The following PRKCH variants were observed in gnomAD, a reference collection of about 807,000 sequenced individuals.
PRKCH encodes protein kinase C eta.
PRKCH carries 28 observed loss-of-function variants against 82.5 expected under a neutral mutation model. The ratio of observed to expected loss-of-function variants is 0.34; its 90% CI spans 0.25 to 0.47. The LOEUF (loss-of-function observed/expected upper bound fraction) is 0.47. Ranked by LOEUF, PRKCH falls within the 20% of genes least tolerant of loss-of-function variation. PRKCH has a pLI of 1.00. For synonymous variants in PRKCH, 322 were observed against 327.4 expected, an observed-to-expected ratio of 0.98 and a Z score of 0.18; for missense variants, 705 against 881.8, an observed-to-expected ratio of 0.80 and a Z score of 2.54.
intron 1 of PRKCH, among the ~76,000 whole-genome samples, chr14:61,302,370 C>T (rs1161531533): frequency 6.6e-6 from 1 of 152,148 alleles, no homozygotes; most frequent in Non-Finnish European, 1.5e-5. Context: ...CATATAAGCC[C>T]TGGGTCCGGG....
At chr14:61,530,881 G>A (rs2043036985) in intron 12 of PRKCH, among the ~76,000 whole-genome samples, 1 of 152,186 alleles carries the variant, frequency 6.6e-6, no homozygotes, top group South Asian at 2.1e-4. Context: ...AACTTTAGTT[G>A]AGGGCAGGTG....
chr14:61,310,054 A>T (rs1331188411), intron 1 of PRKCH, among the ~76,000 whole-genome samples: 1 of 152,068 alleles, frequency 6.6e-6, no homozygotes, highest in Non-Finnish European at 1.5e-5. Flanking sequence ...TGATCCAATC[A>T]CTTCTCTCCC....
At chr14:61,529,363 T>C (rs971221379) in intron 11 of PRKCH, 150 bp downstream of exon 11, 20 of 830,022 alleles carry the variant, frequency 2.4e-5, no homozygotes, top group Non-Finnish European at 3.3e-5. Flanking sequence ...TTATGGCTCA[T>C]TGGGTGAATG....
At chr14:61,190,473 T>C (rs2044399732) in intron 1 of PRKCH, among the ~76,000 whole-genome samples, 1 of 152,202 alleles carries the variant, frequency 6.6e-6, no homozygotes, top group Admixed American at 6.5e-5. Context: ...GTATGGTCTT[T>C]TAAAAGCAAA....
At chr14:61,327,313 T>A (rs1027592063) in intron 1 of PRKCH, 8 of 335,796 alleles carry the variant, frequency 2.4e-5, no homozygotes, top group Non-Finnish European at 1.2e-5. Context: ...CCAGATTTTC[T>A]ATCTAGTGGT....
At chr14:61,508,301 GA>G (rs1323260990) in intron 10 of PRKCH, among the ~76,000 whole-genome samples, 1 of 152,040 alleles carries the variant, frequency 6.6e-6, no homozygotes, top group East Asian at 1.9e-4. Context: ...TAGTTTTAAG[GA>G]ACATTCCTGT....
intron 1 of PRKCH, among the ~76,000 whole-genome samples, chr14:61,257,199 G>T (rs1387853729): frequency 6.6e-6 from 1 of 152,192 alleles, no homozygotes; most frequent in Non-Finnish European, 1.5e-5. Context: ...TTTCTCCAGT[G>T]AGAGTTAATA....
At chr14:61,368,596 A>G (rs1566841879) in intron 1 of PRKCH, among the ~76,000 whole-genome samples, 1 of 152,140 alleles carries the variant, frequency 6.6e-6, no homozygotes, top group African/African-American at 2.4e-5. Flanking sequence ...ATCCTCCTGT[A>G]GATATTTCCC....
intron 9 of PRKCH, among the ~76,000 whole-genome samples, chr14:61,458,334 CTTG>C (rs1267304333): frequency 6.6e-6 from 1 of 152,334 alleles, no homozygotes; most frequent in East Asian, 1.9e-4. Flanking sequence ...AAACTTTTTA[CTTG>C]TTGTTTCACA....
chr14:61,341,953 G>A (rs112512350), intron 1 of PRKCH, among the ~76,000 whole-genome samples: 1,781 of 152,222 alleles, frequency 0.012, 47 homozygotes, highest in African/African-American at 0.041. Flanking sequence ...TAGGTGCTGA[G>A]TAAATGTTGG....
Position 61,484,886 on chromosome 14 carries a change from A to AT in PRKCH, c.1279-606dup, listed in dbSNP as rs918125579. Among the ~76,000 whole-genome samples, 88 of 146,728 alleles carry AT rather than the reference A, an allele frequency of 6.0e-4. 1 individual carries two copies. Among genetic ancestry groups the AT allele is most frequent in the Middle Eastern group, 3.5e-3 (1 of 286 alleles). ...CGGGCTCAGGTGATCCTCCTGCCTA[A>AT]TTTTTTTTTTATTTTTTTGTATAGA... On this transcript the variant is annotated intron_variant, in intron 9 of 13. Transcript: ENST00000332981.
intron 1 of PRKCH, among the ~76,000 whole-genome samples, chr14:61,282,913 T>C (rs920980939): frequency 1.2e-4 from 18 of 152,170 alleles, no homozygotes; most frequent in African/African-American, 3.9e-4. Flanking sequence ...TCACCCTTTT[T>C]TTCAATAAAA....
chr14:61,352,466 C>A (rs978362991), intron 1 of PRKCH, among the ~76,000 whole-genome samples: 1 of 151,940 alleles, frequency 6.6e-6, no homozygotes, highest in Non-Finnish European at 1.5e-5. Context: ...GGTTCAAGAC[C>A]AGCCTGACCA....
chr14:61,425,277 C>T (rs930428178), intron 2 of PRKCH, among the ~76,000 whole-genome samples: 4 of 152,180 alleles, frequency 2.6e-5, no homozygotes, highest in African/African-American at 9.7e-5. Context: ...CCTGAAAAAG[C>T]CACAAGCACT....
intron 12 of PRKCH, among the ~76,000 whole-genome samples, chr14:61,547,242 G>A (rs928495976): frequency 6.6e-6 from 1 of 152,054 alleles, no homozygotes; most frequent in African/African-American, 2.4e-5. Flanking sequence ...TGTCACCTTT[G>A]CTGCTTCTTC....
At chr14:61,207,193 C>T (rs1490632946) in intron 1 of PRKCH, among the ~76,000 whole-genome samples, 4 of 147,088 alleles carry the variant, frequency 2.7e-5, no homozygotes, top group Non-Finnish European at 6.0e-5. Context: ...GGTAGCACTA[C>T]CTGCCCACAA....
intron 2 of PRKCH, among the ~76,000 whole-genome samples, chr14:61,396,796 G>A (rs768260140): frequency 5.3e-5 from 8 of 152,164 alleles, no homozygotes; most frequent in Non-Finnish European, 1.2e-4. Flanking sequence ...TGGGGAGTGG[G>A]ATGGGGGGAT....
chr14:61,349,318 C>G (rs2046039934), intron 1 of PRKCH, among the ~76,000 whole-genome samples: 1 of 152,184 alleles, frequency 6.6e-6, no homozygotes, highest in Non-Finnish European at 1.5e-5. Flanking sequence ...TGTACCAATC[C>G]TTAACATTTG....
rs150503275 is a variant in PRKCH at position 61,457,632 on chromosome 14, C to T, written c.1231C>T (p.Arg411Cys). Residue 411 changes from arginine (R) to cysteine (C), a missense_variant, in exon 9 of 14, where the codon CGC (arginine) becomes TGC (cysteine). Arg to Cys is a radical substitution (Grantham distance 180). Around this residue, in one of 5 missense-constraint regions of PRKCH, gnomAD observed 238 missense variants for 258.1 expected, o/e 0.92. Transcript: ENST00000332981. The part of the protein sequence containing the change: ...MTEKRILSLA[R>C]NHPFLTQLFC... ...CGAGAAAAGGATCCTGTCTCTGGCCCGCAATCACCCCTTCCTCACTCAGTT... is the reference window on the plus strand; with the variant it reads ...CGAGAAAAGGATCCTGTCTCTGGCCTGCAATCACCCCTTCCTCACTCAGTT... 5.0e-5 allele frequency: 80 copies of T among 1,614,020 alleles called. No individual in the cohort carries two copies. The highest frequency in any genetic ancestry group is 3.8e-4 in the South Asian group (35 of 91,068).
Sources: allele counts gnomAD v4.1 joint callset (sites outside exome capture counted in the v4.1 genomes callset), GRCh38; gene constraint gnomAD v4.1.1; regional missense constraint gnomAD v4.1.1; transcripts MANE v1.5; gene names NCBI Gene and HGNC (gene_info 2026-07-23, HGNC 2026-07-21).